The following CERS6 variants were observed in gnomAD, a reference collection of about 807,000 sequenced individuals.
The protein encoded by CERS6 is ceramide synthase 6.
A neutral mutation model predicts 56.8 loss-of-function variants in CERS6; 26 were observed. That is an observed-to-expected ratio of 0.46 (90% confidence interval 0.34 to 0.63). The LOEUF (loss-of-function observed/expected upper bound fraction) is 0.63. CERS6 is among the 30% of genes least tolerant of loss of function. CERS6 has a pLI of 0.01. For synonymous variants in CERS6, 164 were observed against 173.3 expected (o/e 0.95, Z 0.42); for missense variants, 415 against 467.5 (o/e 0.89, Z 1.04).
At chr2:168,729,869 C>T (rs556160786) in intron 8 of CERS6, among the ~76,000 whole-genome samples, 7 of 152,212 alleles carry the variant, frequency 4.6e-5, no homozygotes, top group South Asian at 2.1e-4. Context: ...TCTTCTTTAT[C>T]GATCTGCTTA....
At chr2:168,755,639 T>C (rs1684395041) in intron 8 of CERS6, among the ~76,000 whole-genome samples, 1 of 152,184 alleles carries the variant, frequency 6.6e-6, no homozygotes, top group South Asian at 2.1e-4. Context: ...CCTCAGCAAC[T>C]ACCCAAATAG....
intron 1 of CERS6, among the ~76,000 whole-genome samples, chr2:168,535,503 C>G (rs1695245005): frequency 2.0e-5 from 3 of 152,020 alleles, no homozygotes; most frequent in African/African-American, 7.2e-5. Context: ...TCCTTCCTCT[C>G]CGTGGATCAT....
intron 4 of CERS6, among the ~76,000 whole-genome samples, chr2:168,678,005 T>G (rs765311861): frequency 6.6e-6 from 1 of 152,206 alleles, no homozygotes; most frequent in Non-Finnish European, 1.5e-5. Flanking sequence ...TACCATCTCA[T>G]GCCAGTTAGA....
At chr2:168,661,409 G>A (rs555079470) in intron 4 of CERS6, among the ~76,000 whole-genome samples, 1 of 152,300 alleles carries the variant, frequency 6.6e-6, no homozygotes, top group African/African-American at 2.4e-5. Flanking sequence ...TAGACAGGCT[G>A]TAATTTGTGA....
chr2:168,557,049 AGCTACCTGGAAG>A (rs1424419287), intron 2 of CERS6, among the ~76,000 whole-genome samples: 2 of 150,790 alleles, frequency 1.3e-5, no homozygotes, highest in Non-Finnish European at 2.9e-5. Flanking sequence ...CTGTAGTTCC[AGCTACCTGGAAG>A]GCTAAGGTGG....
intron 3 of CERS6, among the ~76,000 whole-genome samples, chr2:168,563,060 T>A (rs181353443): frequency 2.6e-5 from 4 of 152,324 alleles, no homozygotes; most frequent in Admixed American, 2.6e-4. Context: ...ATGCTGAGTC[T>A]ACTCCAGTTT....
intron 4 of CERS6, among the ~76,000 whole-genome samples, chr2:168,668,824 G>A (rs568551893): frequency 6.6e-6 from 1 of 152,064 alleles, no homozygotes; most frequent in Admixed American, 6.6e-5. Flanking sequence ...CAGAGCTCAG[G>A]TGAATTATTT....
intron 1 of CERS6, among the ~76,000 whole-genome samples, chr2:168,485,770 A>T (rs1364246278): frequency 2.0e-5 from 3 of 152,184 alleles, no homozygotes; most frequent in Non-Finnish European, 2.9e-5. Context: ...GTTGTGTCCA[A>T]GTTTTGGCAA....
At chr2:168,480,561 G>A (rs938934799) in intron 1 of CERS6, among the ~76,000 whole-genome samples, 1 of 152,148 alleles carries the variant, frequency 6.6e-6, no homozygotes, top group Non-Finnish European at 1.5e-5. Context: ...AAACGCATAT[G>A]TTAATTCCAA....
intron 2 of CERS6, among the ~76,000 whole-genome samples, chr2:168,552,365 C>CACACACACAG (rs1695589664): frequency 1.7e-5 from 2 of 119,152 alleles, no homozygotes; most frequent in Non-Finnish European, 3.8e-5. Context: ...CACACACACA[C>CACACACACAG]ACACACACAC....
intron 3 of CERS6, among the ~76,000 whole-genome samples, chr2:168,617,384 A>G (rs1000846333): frequency 7.2e-5 from 11 of 152,210 alleles, no homozygotes; most frequent in African/African-American, 2.7e-4. Context: ...AACCAGAATC[A>G]GAGCAGAACT....
At chr2:168,466,010 CT>C (rs35424614) in intron 1 of CERS6, among the ~76,000 whole-genome samples, 8,349 of 143,834 alleles carry the variant, frequency 0.058, 270 homozygotes, top group Non-Finnish European at 0.085. Flanking sequence ...TCAAGCACTG[CT>C]TTTTTTTTTT....
intron 1 of CERS6, among the ~76,000 whole-genome samples, chr2:168,488,512 CT>C (rs1211370534): frequency 6.6e-6 from 1 of 151,944 alleles, no homozygotes; most frequent in Non-Finnish European, 1.5e-5. Flanking sequence ...TTTGAAAAAT[CT>C]TTTTTCATGG....
rs140844626 is a variant in CERS6 at position 168,608,647 on chromosome 2, C to G, written c.408-22338C>G. Among the ~76,000 whole-genome samples, 303 of 152,232 alleles carry G rather than the reference C, an allele frequency of 2.0e-3. 1 individual carries two copies. Among genetic ancestry groups the G allele is most frequent in the Non-Finnish European group, 3.3e-3 (224 of 67,998 alleles). ...CTGTTGAATAATGATGTTGCATTAT[C>G]ATTTGATTATTGGTAATTTATGTAT... On this transcript the variant is annotated intron_variant, in intron 3 of 9. Transcript: ENST00000305747.
intron 3 of CERS6, among the ~76,000 whole-genome samples, chr2:168,621,166 A>G (rs905530376): frequency 8.5e-5 from 13 of 152,210 alleles, no homozygotes; most frequent in African/African-American, 3.1e-4. Context: ...AAAAAATTGC[A>G]TAGAGCCTTG....
intron 1 of CERS6, among the ~76,000 whole-genome samples, chr2:168,466,876 A>T (rs1423423936): frequency 6.6e-6 from 1 of 152,216 alleles, no homozygotes; most frequent in Non-Finnish European, 1.5e-5. Flanking sequence ...TTCCTTCACT[A>T]GGTAACCTTT....
intron 3 of CERS6, among the ~76,000 whole-genome samples, chr2:168,588,579 C>G (rs1683600966): frequency 6.6e-6 from 1 of 152,126 alleles, no homozygotes; most frequent in African/African-American, 2.4e-5. Flanking sequence ...GTTTTGGTGT[C>G]AGAATTTCCT....
intron 8 of CERS6, among the ~76,000 whole-genome samples, chr2:168,754,532 G>A (rs933956019): frequency 1.3e-5 from 2 of 152,050 alleles, no homozygotes; most frequent in Admixed American, 1.3e-4. Flanking sequence ...CACACACAAT[G>A]CCTAAGGTGA....
At chr2:168,656,390 G>A (rs536638733) in intron 4 of CERS6, among the ~76,000 whole-genome samples, 14 of 152,318 alleles carry the variant, frequency 9.2e-5, no homozygotes, top group African/African-American at 2.9e-4. Context: ...GAATGAAGCC[G>A]TGGACCCTCG....
Sources: allele counts gnomAD v4.1 joint callset (sites outside exome capture counted in the v4.1 genomes callset), GRCh38; gene constraint gnomAD v4.1.1; transcripts MANE v1.5; gene names NCBI Gene and HGNC (gene_info 2026-07-23, HGNC 2026-07-21).